ST7: variants seen among roughly 807,000 people sequenced by gnomAD.
ST7 encodes the protein suppressor of tumorigenicity 7 protein.
ST7 carries 28 observed loss-of-function variants against 78.7 expected under a neutral mutation model. The ratio of observed to expected loss-of-function variants is 0.36; its 90% CI spans 0.26 to 0.49. The LOEUF is 0.49. Ranked by LOEUF, ST7 falls within the 20% of genes least tolerant of loss-of-function variation. The pLI is 0.99. For missense variants in ST7, 418 were observed against 696.0 expected, an observed-to-expected ratio of 0.60 and a Z score of 4.49; for synonymous variants, 247 against 249.6, an observed-to-expected ratio of 0.99 and a Z score of 0.10.
intron 1 of ST7, among the ~76,000 whole-genome samples, chr7:117,052,641 TC>T (rs1300786517): frequency 6.6e-6 from 1 of 152,206 alleles, no homozygotes; most frequent in African/African-American, 2.4e-5. Context: ...ACGCCTATAA[TC>T]CCAGCACTTT....
chr7:117,046,814 AT>A (rs1797515309), intron 1 of ST7, among the ~76,000 whole-genome samples: 1 of 152,212 alleles, frequency 6.6e-6, no homozygotes, highest in Non-Finnish European at 1.5e-5. Context: ...TGAGGCGCTC[AT>A]TCATGTATTC....
intron 9 of ST7, among the ~76,000 whole-genome samples, chr7:117,142,606 G>GT (rs1372076564): frequency 4.0e-5 from 6 of 151,416 alleles, no homozygotes; most frequent in African/African-American, 9.7e-5. Flanking sequence ...GACATTGGGT[G>GT]TTTTTTTTGT....
At chr7:117,083,178 G>A (rs1019734588) in intron 1 of ST7, among the ~76,000 whole-genome samples, 1 of 151,846 alleles carries the variant, frequency 6.6e-6, no homozygotes, top group African/African-American at 2.4e-5. Flanking sequence ...TCTTGCTTCA[G>A]CTTCCAGAGT....
chr7:117,053,414 C>T (rs766659201), intron 1 of ST7, among the ~76,000 whole-genome samples: 10 of 152,198 alleles, frequency 6.6e-5, no homozygotes, highest in Non-Finnish European at 1.3e-4. Flanking sequence ...CTGTTACTCA[C>T]GGGGATCTTT....
intron 1 of ST7, among the ~76,000 whole-genome samples, chr7:117,067,212 A>C (rs561657610): frequency 1.3e-4 from 20 of 151,784 alleles, no homozygotes; most frequent in African/African-American, 4.8e-4. Context: ...TTTTTATACA[A>C]GTTTTTGCAT....
intron 1 of ST7, among the ~76,000 whole-genome samples, chr7:117,000,497 G>A (rs998457634): frequency 1.3e-5 from 2 of 152,196 alleles, no homozygotes; most frequent in Non-Finnish European, 2.9e-5. Flanking sequence ...GGAGAAACAA[G>A]TGACCAAAAA....
intron 9 of ST7, among the ~76,000 whole-genome samples, chr7:117,151,857 C>A (rs1489363738): frequency 1.3e-5 from 2 of 151,986 alleles, no homozygotes; most frequent in African/African-American, 4.8e-5. Flanking sequence ...TGGTGGCTCA[C>A]GCCTATAATC....
rs1265994135 is a variant in ST7 at position 116,974,292 on chromosome 7, C to T, written c.151+20601C>T. Among the ~76,000 whole-genome samples the T allele has an allele frequency of 2.2e-4, 31 of 143,998 alleles. 1 individual carries two copies. In the South Asian group the frequency reaches 6.6e-3, roughly 31 times the overall value. 94.5% of individuals were successfully genotyped at this position (143,998 alleles called of 152,430 possible). Reference sequence around the variant, plus strand: ...TAGTATATGCTTTTTCTTTTCTTTTCTTTTTTTTTTTTTGAGACAGAGCCT... The same window carrying T: ...TAGTATATGCTTTTTCTTTTCTTTTTTTTTTTTTTTTTTGAGACAGAGCCT... On this transcript the variant is annotated intron_variant, in intron 1 of 15. Transcript: ENST00000323984.
At chr7:117,089,947 CCAGT>C (rs1324356224) in intron 1 of ST7, among the ~76,000 whole-genome samples, 7 of 152,082 alleles carry the variant, frequency 4.6e-5, no homozygotes, top group African/African-American at 1.2e-4. Flanking sequence ...CTTAGAGTTA[CCAGT>C]CAAAGATTGA....
intron 9 of ST7, among the ~76,000 whole-genome samples, chr7:117,149,893 A>G (rs571574396): frequency 8.5e-5 from 13 of 152,202 alleles, no homozygotes; most frequent in African/African-American, 3.1e-4. Context: ...CAACTGGCTT[A>G]TCATTTAATC....
intron 1 of ST7, among the ~76,000 whole-genome samples, chr7:116,979,956 C>CT (rs1793874588): frequency 5.6e-5 from 1 of 17,880 alleles, no homozygotes; most frequent in African/African-American, 2.1e-4. Context: ...TCTTTTGTTT[C>CT]TCTTTTTTTT....
At chr7:117,209,499 A>G (rs1792108210) in intron 12 of ST7, among the ~76,000 whole-genome samples, 2 of 152,216 alleles carry the variant, frequency 1.3e-5, no homozygotes. Context: ...TGTGTCTTCT[A>G]CATTTTCCTT....
At chr7:116,987,130 A>G (rs1794223991) in intron 1 of ST7, among the ~76,000 whole-genome samples, 1 of 152,240 alleles carries the variant, frequency 6.6e-6, no homozygotes, top group South Asian at 2.1e-4. Context: ...TTCTTCTGGC[A>G]GACAAAGTAA....
At chr7:116,996,982 G>T (rs771008343) in intron 1 of ST7, among the ~76,000 whole-genome samples, 1 of 152,184 alleles carries the variant, frequency 6.6e-6, no homozygotes, top group African/African-American at 2.4e-5. Flanking sequence ...TCCGGAATTC[G>T]TGGGTTCTTG....
intron 9 of ST7, among the ~76,000 whole-genome samples, chr7:117,158,025 C>G (rs1035344699): frequency 3.9e-5 from 6 of 152,176 alleles, no homozygotes; most frequent in Non-Finnish European, 7.4e-5. Context: ...CCAACAACCT[C>G]ACTCTGGGGT....
chr7:117,140,529 A>G (rs1393438548), intron 9 of ST7, among the ~76,000 whole-genome samples: 1 of 152,100 alleles, frequency 6.6e-6, no homozygotes, highest in East Asian at 1.9e-4. Flanking sequence ...CGTTATATAA[A>G]TATGCCATCA....
chr7:117,117,330 TA>T (rs1222239568), intron 2 of ST7, among the ~76,000 whole-genome samples: 1 of 152,176 alleles, frequency 6.6e-6, no homozygotes, highest in African/African-American at 2.4e-5. Context: ...ATCTGTGACA[TA>T]GACTTGTAGT....
rs113466713 is a variant in ST7 at position 117,090,254 on chromosome 7, G to C, written c.152-9508G>C. Among the ~76,000 whole-genome samples the C allele has an allele frequency of 3.6e-4, 53 of 148,938 alleles. 1 individual carries two copies. The highest frequency in any genetic ancestry group is 3.5e-3 in the Middle Eastern group (1 of 288). On this transcript the variant is annotated intron_variant, in intron 1 of 15. Transcript: ENST00000323984. The stretch of plus-strand genomic sequence containing the variant: ...GGATAGAAACACACACACACACACA[G>C]ACACACACACACACACACACACACG...
At chr7:117,157,861 T>C (rs1416381435) in intron 9 of ST7, among the ~76,000 whole-genome samples, 1 of 152,182 alleles carries the variant, frequency 6.6e-6, no homozygotes, top group Non-Finnish European at 1.5e-5. Context: ...CTCGGGTTTG[T>C]TCATGATCTC....
Sources: allele counts gnomAD v4.1 joint callset (sites outside exome capture counted in the v4.1 genomes callset), GRCh38; gene constraint gnomAD v4.1.1; transcripts MANE v1.5; gene names NCBI Gene and HGNC (gene_info 2026-07-23, HGNC 2026-07-21).